HTR3D: variants seen among roughly 807,000 people sequenced by gnomAD.
HTR3D encodes the protein 5-hydroxytryptamine (serotonin) receptor 3 family member D.
A neutral mutation model predicts 45.8 loss-of-function variants in HTR3D; 47 were observed. The observed-to-expected ratio is 1.03, with a 90% CI of 0.81 to 1.31. The LOEUF is 1.31. HTR3D is among the 50% of genes most tolerant of loss of function. The pLI is 0.00. For synonymous variants in HTR3D, 203 were observed against 199.8 expected (o/e 1.02, Z -0.13); for missense variants, 448 against 506.9 (o/e 0.88, Z 1.12).
rs149423110 is a variant in HTR3D at position 184,038,268 on chromosome 3, A to G, written c.764A>G (p.Lys255Arg). ...LVRPHPSRDQ[K>R]RGVYFALCLS... ...CGTCCTCATCCATCAAGAGACCAAA[A>G]GCGAGGTGTGTGTTGGATGGGGAGA... The change falls in exon 6 of 8, where the codon AAG (lysine) becomes AGG (arginine). Residue 255 changes from lysine (K) to arginine (R), a missense_variant. Lys to Arg is a conservative substitution (Grantham distance 26, BLOSUM62 2). Coordinates refer to ENST00000428798, the MANE Select transcript of HTR3D (RefSeq NM_001145143.1). This position sits in a 1 kb window ranked among gnomAD's most constrained non-coding sequence, Gnocchi z 4.5. 53 of 1,613,900 alleles carry G rather than the reference A, an allele frequency of 3.3e-5. No homozygotes were observed. In the African/African-American group the frequency reaches 6.4e-4, roughly 20 times the overall value.
At chr3:184,036,350 C>A in intron 3 of HTR3D, 25 bp from the exon 4 acceptor site, 1 of 1,612,560 alleles carries the variant, frequency 6.2e-7, no homozygotes, top group Non-Finnish European at 8.5e-7. Flanking sequence ...ACCTACCTCC[C>A]TGTCCTTCTC....
rs1172504768 is a variant in HTR3D at position 184,038,539 on chromosome 3, G to A, written c.900G>A (p.Leu300=). 1 of 1,613,930 alleles carries A rather than the reference G, an allele frequency of 6.2e-7. No homozygotes were observed. Among genetic ancestry groups the A allele is most frequent in the Admixed American group, 1.7e-5 (1 of 60,022 alleles). The part of the protein sequence containing the change: ...PLPRWLHSLL[L]HCTGQGRCCP... ...CTCGGTGGCTCCACTCCCTGCTGCTGCACTGCACCGGCCAAGGGAGATGCT... is the reference window on the plus strand; with the variant it reads ...CTCGGTGGCTCCACTCCCTGCTGCTACACTGCACCGGCCAAGGGAGATGCT... Residue 300 remains leucine (L), a synonymous_variant, in exon 7 of 8, where the codon CTG becomes CTA. Coordinates refer to ENST00000428798, the MANE Select transcript of HTR3D (RefSeq NM_001145143.1). This position sits in a 1 kb window ranked among gnomAD's most constrained non-coding sequence, Gnocchi z 4.5.
In HTR3D at chr3:184,039,175, C is replaced by A; in HGVS notation, c.*200C>A. The stretch of plus-strand genomic sequence containing the variant: ...CCTTGCTCCTGCATGCCATCAGCCC[C>A]ACTCAGCCCTCCCATACCTCCCTGG... On this transcript the variant is annotated 3_prime_UTR_variant, in exon 8 of 8. Transcript: ENST00000428798. 1 of 596,510 alleles carries A rather than the reference C, an allele frequency of 1.7e-6. No homozygotes were observed. The highest frequency in any genetic ancestry group is 2.2e-5 in the South Asian group (1 of 45,346). The allele number at this position is 596,510 out of a possible 1,614,324, so 37.0% of individuals were successfully genotyped here.
intron 1 of HTR3D, 119 bp downstream of exon 1, chr3:184,031,926 G>T (rs1722759686): frequency 4.4e-6 from 3 of 688,140 alleles, no homozygotes; most frequent in East Asian, 5.8e-5. Context: ...TGGTAAAAAT[G>T]ATGCTCGTGA....
At chr3:184,035,928 A>C (rs1722872257) in intron 2 of HTR3D, 87 bp from the exon 3 acceptor site, 2 of 1,354,484 alleles carry the variant, frequency 1.5e-6, no homozygotes, top group East Asian at 5.1e-5. Flanking sequence ...CCTGACCTTC[A>C]GTGATCCCCC....
intron 5 of HTR3D, 84 bp downstream of exon 5, chr3:184,036,980 G>T: frequency 7.3e-7 from 1 of 1,371,552 alleles, no homozygotes; most frequent in South Asian, 1.4e-5. Context: ...CGCCCGCCTC[G>T]GCCTCCCAAA....
chr3:184,034,687 G>A (rs774013298), intron 1 of HTR3D, among the ~76,000 whole-genome samples: 4 of 95,932 alleles, frequency 4.2e-5, no homozygotes, highest in Non-Finnish European at 5.7e-5. Context: ...TGGGCGTGGT[G>A]GTGTGTGCCT....
Position 184,035,988 on chromosome 3 carries a change from C to T in HTR3D, c.112-27C>T, listed in dbSNP as rs1261619303. Reference sequence around the variant, plus strand: ...GATTACAGACAGAAGCCACCATGCCCGGCCTTGGCACAATCAATTTGTGCA... The same window carrying T: ...GATTACAGACAGAAGCCACCATGCCTGGCCTTGGCACAATCAATTTGTGCA... On this transcript the variant is annotated intron_variant, in intron 2 of 7. Transcript: ENST00000428798. 1.7e-5 allele frequency: 26 copies of T among 1,548,474 alleles called. No individual in the cohort carries two copies. Among genetic ancestry groups the T allele is most frequent in the East Asian group, 1.5e-4 (6 of 40,912 alleles).
At position 184,038,869 on chromosome 3, in the gene HTR3D, A is replaced by G; in HGVS notation, c.1109A>G (p.Glu370Gly). 1 of 1,614,108 alleles carries G rather than the reference A, an allele frequency of 6.2e-7. No homozygotes were observed. Among genetic ancestry groups the G allele is most frequent in the Non-Finnish European group, 8.5e-7 (1 of 1,180,014 alleles). Reference protein sequence around the residue: ...EHEAQKQHSVELWVQFSHAMD... With the variant: ...EHEAQKQHSVGLWVQFSHAMD... ...GAGGCCCAGAAGCAGCACTCGGTGG[A>G]GCTGTGGGTGCAGTTCAGCCACGCG... The change falls in exon 8 of 8, where the codon GAG (glutamate) becomes GGG (glycine). Residue 370 changes from glutamate (E) to glycine (G), a missense_variant. By Grantham distance (98) the Glu-to-Gly change is moderately conservative. Transcript: ENST00000428798. This position sits in a 1 kb window ranked among gnomAD's most constrained non-coding sequence, Gnocchi z 4.5.
At position 184,035,991 on chromosome 3, in the gene HTR3D, C is replaced by G. The variant is rs773162562; in HGVS notation, c.112-24C>G. The G allele has an allele frequency of 1.6e-4, 245 of 1,549,970 alleles. No individual in the cohort carries two copies. Among genetic ancestry groups the G allele is most frequent in the Non-Finnish European group, 2.1e-4 (237 of 1,146,502 alleles). On this transcript the variant is annotated intron_variant, in intron 2 of 7. Transcript: ENST00000428798. ...TACAGACAGAAGCCACCATGCCCGG[C>G]CTTGGCACAATCAATTTGTGCAGTG...
rs1221200595 is a variant in HTR3D at position 184,036,914 on chromosome 3, G to A, written c.516+18G>A. 1.9e-6 allele frequency: 3 copies of A among 1,550,106 alleles called. No homozygotes were observed. Among genetic ancestry groups the A allele is most frequent in the Non-Finnish European group, 1.7e-6 (2 of 1,146,022 alleles). ...TCTTCCATGTGAGCTCAGGGGCCAA[G>A]ACAAGGTTTCACCATGTTGGCCAGG... On this transcript the variant is annotated intron_variant, in intron 5 of 7. Transcript: ENST00000428798.
At chr3:184,037,995 T>G in intron 5 of HTR3D, 26 bp from the exon 6 acceptor site, 2 of 1,609,562 alleles carry the variant, frequency 1.2e-6, no homozygotes, top group Non-Finnish European at 1.7e-6. Context: ...TACTTCTCAC[T>G]TGCCCCTCCT....
rs148962973 is a variant in HTR3D, at chr3:184,035,174, C to T, written c.67-4C>T. The T allele has an allele frequency of 3.1e-4, 478 of 1,551,968 alleles. No individual in the cohort carries two copies. Among genetic ancestry groups the T allele is most frequent in the Non-Finnish European group, 4.1e-4 (468 of 1,147,024 alleles). On this transcript the variant is annotated splice_region_variant and splice_polypyrimidine_tract_variant and intron_variant, in intron 1 of 7. Coordinates refer to ENST00000428798, the MANE Select transcript of HTR3D (RefSeq NM_001145143.1). ...AATCATCTAGATGAAAGCTGCTATT[C>T]CAGGATTCACACCTTCAACTGGTGA...
chr3:184,032,267 T>G (rs1052436440), intron 1 of HTR3D, among the ~76,000 whole-genome samples: 21 of 152,236 alleles, frequency 1.4e-4, no homozygotes, highest in African/African-American at 4.6e-4. Context: ...GTGTTGGGAT[T>G]ACAGGCGTGA....
chr3:184,039,148 G>T lies in HTR3D; in HGVS notation c.*173G>T. ...GTCTCCTATGCCCTCCAAAAGTCGGGTCCTTGCTCCTGCATGCCATCAGCC... is the reference window on the plus strand; with the variant it reads ...GTCTCCTATGCCCTCCAAAAGTCGGTTCCTTGCTCCTGCATGCCATCAGCC... On this transcript the variant is annotated 3_prime_UTR_variant, in exon 8 of 8. Coordinates refer to ENST00000428798, the MANE Select transcript of HTR3D (RefSeq NM_001145143.1). 1.5e-6 allele frequency: 1 copy of T among 687,616 alleles called. No homozygotes were observed. The highest frequency in any genetic ancestry group is 2.4e-6 in the Non-Finnish European group (1 of 419,228). 42.6% of individuals were successfully genotyped at this position (687,616 alleles called of 1,614,324 possible). A position where few individuals can be genotyped will look rare whatever the true frequency, so the allele number is the denominator to read the frequency against.
intron 2 of HTR3D, among the ~76,000 whole-genome samples, chr3:184,035,789 G>A (rs902461948): frequency 3.3e-5 from 5 of 151,758 alleles, no homozygotes; most frequent in Non-Finnish European, 7.4e-5. Flanking sequence ...GGGTTCAAGC[G>A]ATTTTCCTGC....
intron 2 of HTR3D, 50 bp downstream of exon 2, chr3:184,035,272 T>C: frequency 1.4e-6 from 2 of 1,475,590 alleles, no homozygotes; most frequent in East Asian, 4.9e-5. Flanking sequence ...CCTCTCTTTT[T>C]TCCACTCCTA....
chr3:184,034,951 T>A (rs2108960279), intron 1 of HTR3D: 1 of 1,015,270 alleles, frequency 9.8e-7, no homozygotes, highest in East Asian at 2.8e-5. Flanking sequence ...AAATCTGTTC[T>A]TTTTGGAATA....
intron 5 of HTR3D, 80 bp downstream of exon 5, chr3:184,036,976 C>A: frequency 7.2e-7 from 1 of 1,380,896 alleles, no homozygotes. Context: ...GATCCGCCCG[C>A]CTCGGCCTCC....
Sources: allele counts gnomAD v4.1 joint callset (sites outside exome capture counted in the v4.1 genomes callset), GRCh38; gene constraint gnomAD v4.1.1; non-coding constraint Gnocchi (gnomAD v3.1); transcripts MANE v1.5; gene names NCBI Gene and HGNC (gene_info 2026-07-23, HGNC 2026-07-21).